PHOSPHO2: variants seen among roughly 807,000 people sequenced by gnomAD.
PHOSPHO2 encodes the protein phosphatase, orphan 2.
In PHOSPHO2, 14 loss-of-function variants were observed where a neutral mutation model predicts 16.4. The observed-to-expected ratio is 0.85, with a 90% CI of 0.56 to 1.33. The LOEUF is 1.33. PHOSPHO2 is among the 40% of genes most tolerant of loss of function. PHOSPHO2 has a pLI of 0.00. For missense variants in PHOSPHO2, 246 were observed against 282.5 expected, an observed-to-expected ratio of 0.87 and a Z score of 0.93; for synonymous variants, 85 against 90.5, an observed-to-expected ratio of 0.94 and a Z score of 0.34.
chr2:169,699,610 C>T (rs1029407850), intron 3 of PHOSPHO2, among the ~76,000 whole-genome samples: 3 of 152,138 alleles, frequency 2.0e-5, no homozygotes, highest in African/African-American at 7.2e-5. Context: ...CTGTCTTCCA[C>T]GATGGTTGAA....
Position 169,694,608 on chromosome 2 carries a change from C to A in PHOSPHO2, c.-245C>A, listed in dbSNP as rs987016505. On this transcript the variant is annotated 5_prime_UTR_variant, in exon 1 of 4. Coordinates refer to ENST00000359744, the MANE Select transcript of PHOSPHO2 (RefSeq NM_001008489.4). ...GCGTCACGGGCGCCGGGGCGGCTGC[C>A]GACGGCGGGACTGGGTCAGTGAGAA... 1.3e-5 allele frequency: 7 copies of A among 538,474 alleles called. 1 individual carries two copies. The highest frequency in any genetic ancestry group is 8.2e-5 in the South Asian group (4 of 48,968). The allele number at this position is 538,474 out of a possible 1,614,324, so 33.4% of individuals were successfully genotyped here.
In PHOSPHO2 at chr2:169,701,639, T is replaced by C; in HGVS notation, c.668T>C (p.Val223Ala). The C allele has an allele frequency of 6.3e-7, 1 of 1,594,700 alleles. No individual in the cohort carries two copies. Among genetic ancestry groups the C allele is most frequent in the East Asian group, 2.2e-5 (1 of 44,818 alleles). Residue 223 changes from valine (V) to alanine (A), a missense_variant, in exon 4 of 4, where the codon GTA becomes GCA. Val to Ala is a moderately conservative substitution (Grantham distance 64). Coordinates refer to ENST00000359744, the MANE Select transcript of PHOSPHO2 (RefSeq NM_001008489.4). ...QNLEPMEYSV[V>A]VWSSGVDIIS... ...CTTGAGCCTATGGAATATTCTGTTG[T>C]AGTTTGGTCCTCAGGTGTTGATATA...
intron 2 of PHOSPHO2, among the ~76,000 whole-genome samples, chr2:169,696,366 T>C (rs1687538140): frequency 6.6e-6 from 1 of 152,234 alleles, no homozygotes; most frequent in Non-Finnish European, 1.5e-5. Flanking sequence ...GAACCAACCA[T>C]AACCATCCCA....
At chr2:169,698,452 C>T (rs1489449664) in intron 3 of PHOSPHO2, among the ~76,000 whole-genome samples, 5 of 152,120 alleles carry the variant, frequency 3.3e-5, no homozygotes, top group Non-Finnish European at 7.4e-5. Flanking sequence ...CACCTAACCA[C>T]TTCAAGATCC....
intron 3 of PHOSPHO2, among the ~76,000 whole-genome samples, chr2:169,700,666 C>CT (rs1443737982): frequency 6.6e-6 from 1 of 151,534 alleles, no homozygotes; most frequent in Non-Finnish European, 1.5e-5. Flanking sequence ...GTAAGAAATG[C>CT]TTTTTTTTCT....
chr2:169,695,624 C>G lies in PHOSPHO2; in HGVS notation c.-198+377C>G, dbSNP rs942970133. Among the ~76,000 whole-genome samples, 6 of 144,288 alleles carry G rather than the reference C, an allele frequency of 4.2e-5. No individual in the cohort carries two copies. In the East Asian group the frequency reaches 1.2e-3, roughly 29 times the overall value. 94.7% of individuals were successfully genotyped at this position (144,288 alleles called of 152,430 possible). A position where few individuals can be genotyped will look rare whatever the true frequency, so the allele number is the denominator to read the frequency against. ...CTGCACTCCAGCCTGGGCGACAGAG[C>G]GAGACTCCGTCTCAAAAAAAAAAAA... On this transcript the variant is annotated intron_variant, in intron 2 of 3. Transcript: ENST00000359744.
chr2:169,699,800 A>C (rs1383235321), intron 3 of PHOSPHO2, among the ~76,000 whole-genome samples: 1 of 151,478 alleles, frequency 6.6e-6, no homozygotes, highest in Non-Finnish European at 1.5e-5. Flanking sequence ...CTTTTTTTTC[A>C]TATATTTCTT....
intron 3 of PHOSPHO2, among the ~76,000 whole-genome samples, chr2:169,699,559 AAG>A (rs1687671227): frequency 6.6e-6 from 1 of 152,168 alleles, no homozygotes; most frequent in South Asian, 2.1e-4. Flanking sequence ...TTACTGGGTC[AAG>A]TGGTATTTCT....
chr2:169,696,288 T>A lies in PHOSPHO2; in HGVS notation c.-198+1041T>A, dbSNP rs530459860. The stretch of plus-strand genomic sequence containing the variant: ...ATATGCACTCTGATCTGAAACAGAG[T>A]TTAAATTATTCTGAGAAGAAAAAAA... On this transcript the variant is annotated intron_variant, in intron 2 of 3. Transcript: ENST00000359744. Among the ~76,000 whole-genome samples the A allele has an allele frequency of 2.0e-5, 3 of 152,338 alleles. No individual in the cohort carries two copies. In the South Asian group the frequency reaches 6.2e-4, roughly 32 times the overall value.
Position 169,697,531 on chromosome 2 carries a change from G to A in PHOSPHO2, c.-27G>A, listed in dbSNP as rs1208296757. ...AGATTGTCTTGGAAATACTAAGTTG[G>A]GTAAGTATTTTTTAAAGGTTTATGT... On this transcript the variant is annotated splice_region_variant and 5_prime_UTR_variant, in exon 3 of 4. Coordinates refer to ENST00000359744, the MANE Select transcript of PHOSPHO2 (RefSeq NM_001008489.4). 1 of 151,962 alleles carries A rather than the reference G, an allele frequency of 6.6e-6. No individual in the cohort carries two copies. Among genetic ancestry groups the A allele is most frequent in the Non-Finnish European group, 1.5e-5 (1 of 68,000 alleles). 9.4% of individuals were successfully genotyped at this position (151,962 alleles called of 1,614,324 possible).
chr2:169,698,059 A>G (rs1227160762), intron 3 of PHOSPHO2: 1 of 152,202 alleles, frequency 6.6e-6, no homozygotes, highest in East Asian at 1.9e-4. Flanking sequence ...TATGTGAGTC[A>G]AGAGCTCTAT....
chr2:169,701,124 CTT>C lies in PHOSPHO2; in HGVS notation c.155_156del (p.Phe52Ter). The C allele has an allele frequency of 6.2e-7, 1 of 1,613,972 alleles. No individual in the cohort carries two copies. The highest frequency in any genetic ancestry group is 8.5e-7 in the Non-Finnish European group (1 of 1,179,974). On this transcript the variant is annotated frameshift_variant, in exon 4 of 4. Coordinates refer to ENST00000359744, the MANE Select transcript of PHOSPHO2 (RefSeq NM_001008489.4). LOFTEE classifies it high-confidence loss of function. The part of the protein sequence containing the change: ...GFWTEFMGRV[F>X]KYLGDKGVRE... ...TTTGGACAGAATTTATGGGCAGAGT[CTT>C]TAAGTATTTGGGAGATAAGGGTGTA...
chr2:169,697,155 A>G (rs1270048672), intron 2 of PHOSPHO2, among the ~76,000 whole-genome samples: 3 of 151,978 alleles, frequency 2.0e-5, no homozygotes, highest in Admixed American at 6.6e-5. Flanking sequence ...AGCTAGGACT[A>G]CAGGTGCCCG....
In PHOSPHO2 at chr2:169,701,276, C is replaced by T. The variant is rs141713719; in HGVS notation, c.305C>T (p.Ser102Leu). Residue 102 changes from serine to leucine, a missense_variant, in exon 4 of 4, where the codon TCG (serine) becomes TTG (leucine). Coordinates refer to ENST00000359744, the MANE Select transcript of PHOSPHO2 (RefSeq NM_001008489.4). ...FDCIIISDSNSVFIDWVLEAA... is the reference protein window; with the variant it reads ...FDCIIISDSNLVFIDWVLEAA... ...TGCATTATTATTTCAGATTCAAATTCGGTCTTCATAGATTGGGTTTTAGAA... is the reference window on the plus strand; with the variant it reads ...TGCATTATTATTTCAGATTCAAATTTGGTCTTCATAGATTGGGTTTTAGAA... The T allele has an allele frequency of 2.2e-5, 35 of 1,613,220 alleles. No homozygotes were observed. Among genetic ancestry groups the T allele is most frequent in the African/African-American group, 1.9e-4 (14 of 74,846 alleles).
rs1021284594 is a variant in PHOSPHO2 at position 169,694,586 on chromosome 2, T to C, written c.-267T>C. ...CCAAAGGACTGAACCCGCAGGAGCGTCACGGGCGCCGGGGCGGCTGCCGAC... is the reference window on the plus strand; with the variant it reads ...CCAAAGGACTGAACCCGCAGGAGCGCCACGGGCGCCGGGGCGGCTGCCGAC... On this transcript the variant is annotated 5_prime_UTR_variant, in exon 1 of 4. Coordinates refer to ENST00000359744, the MANE Select transcript of PHOSPHO2 (RefSeq NM_001008489.4). 8 of 567,066 alleles carry C rather than the reference T, an allele frequency of 1.4e-5. No individual in the cohort carries two copies. Among genetic ancestry groups the C allele is most frequent in the African/African-American group, 9.4e-5 (5 of 53,060 alleles). 35.1% of individuals were successfully genotyped at this position (567,066 alleles called of 1,614,324 possible).
chr2:169,699,679 T>G (rs1687676027), intron 3 of PHOSPHO2, among the ~76,000 whole-genome samples: 2 of 152,176 alleles, frequency 1.3e-5, no homozygotes, highest in Non-Finnish European at 2.9e-5. Flanking sequence ...TCCACAACCT[T>G]GCCAGCATCT....
rs369192314 is a variant in PHOSPHO2, at chr2:169,701,284, A to T, written c.313A>T (p.Ile105Leu). Residue 105 changes from isoleucine to leucine, a missense_variant, in exon 4 of 4, where the codon ATA becomes TTA. By Grantham distance (5) the Ile-to-Leu change is conservative (BLOSUM62 2). Coordinates refer to ENST00000359744, the MANE Select transcript of PHOSPHO2 (RefSeq NM_001008489.4). ...IIISDSNSVF[I>L]DWVLEAASFH... is the part of the protein sequence containing the mutation. ...TATTTCAGATTCAAATTCGGTCTTCATAGATTGGGTTTTAGAAGCTGCCAG... is the reference window on the plus strand; with the variant it reads ...TATTTCAGATTCAAATTCGGTCTTCTTAGATTGGGTTTTAGAAGCTGCCAG... 6.8e-6 allele frequency: 11 copies of T among 1,613,254 alleles called. No individual in the cohort carries two copies. The highest frequency in any genetic ancestry group is 2.7e-5 in the African/African-American group (2 of 74,900).
chr2:169,700,862 CA>C (rs1476086991), intron 3 of PHOSPHO2, 83 bp from the exon 4 acceptor site: 1 of 1,292,238 alleles, frequency 7.7e-7, no homozygotes, highest in Non-Finnish European at 1.0e-6. Context: ...AGCAGATTAA[CA>C]TTTAGTTATG....
At position 169,701,017 on chromosome 2, in the gene PHOSPHO2, G is replaced by T; in HGVS notation, c.46G>T (p.Asp16Tyr). The T allele has an allele frequency of 6.2e-7, 1 of 1,611,410 alleles. No homozygotes were observed. The highest frequency in any genetic ancestry group is 1.1e-5 in the South Asian group (1 of 90,448). Residue 16 changes from aspartate to tyrosine, a missense_variant, in exon 4 of 4, where the codon GAC (aspartate) becomes TAC (tyrosine). Physicochemically the swap from Asp to Tyr is radical, Grantham distance 160 (BLOSUM62 -3). Transcript: ENST00000359744. ...TGACTTTGACAATACAATCATAGATGACAATAGTGACACTTGGATTGTACA... is the reference window on the plus strand; with the variant it reads ...TGACTTTGACAATACAATCATAGATTACAATAGTGACACTTGGATTGTACA... ...VFDFDNTIIDDNSDTWIVQCA... is the reference protein window; with the variant it reads ...VFDFDNTIIDYNSDTWIVQCA...
Sources: allele counts gnomAD v4.1 joint callset (sites outside exome capture counted in the v4.1 genomes callset), GRCh38; gene constraint gnomAD v4.1.1; transcripts MANE v1.5; gene names NCBI Gene and HGNC (gene_info 2026-07-23, HGNC 2026-07-21).